Variants in CSNK1E observed in about 807,000 individuals in gnomAD.
CSNK1E encodes casein kinase 1 epsilon.
In CSNK1E, 17 loss-of-function variants were observed where a neutral mutation model predicts 46.1. The ratio of observed to expected loss-of-function variants is 0.37; its 90% confidence interval spans 0.25 to 0.55. The LOEUF is 0.55. Ranked by LOEUF, CSNK1E falls within the 20% of genes least tolerant of loss-of-function variation. The pLI, the probability that CSNK1E is intolerant of heterozygous loss-of-function variation, is 0.82. For synonymous variants in CSNK1E, 241 were observed against 242.6 expected (o/e 0.99, Z 0.06); for missense variants, 386 against 595.4 (o/e 0.65, Z 3.66).
chr22:38,310,664 C>T (rs2145849245), intron 2 of CSNK1E, among the ~76,000 whole-genome samples: 1 of 152,316 alleles, frequency 6.6e-6, no homozygotes, highest in East Asian at 1.9e-4. Context: ...CAGATTTGGC[C>T]ACCTCTGGAC....
chr22:38,298,200 C>A lies in CSNK1E; in HGVS notation c.885+586G>T. On this transcript the variant is annotated intron_variant, in intron 7 of 10. Transcript: ENST00000396832. The surrounding 1 kb of genome is among the most constrained non-coding windows in gnomAD (Gnocchi z 4.2). Reference sequence around the variant, plus strand: ...CGGGGCTGAGCCTGGCTCGAGGAAGCCCCCTTTTCCAGAAGAGATGTGAAA... The same window carrying A: ...CGGGGCTGAGCCTGGCTCGAGGAAGACCCCTTTTCCAGAAGAGATGTGAAA... The A allele has an allele frequency of 7.7e-7, 1 of 1,303,726 alleles. No individual in the cohort carries two copies. Among genetic ancestry groups the A allele is most frequent in the South Asian group, 1.2e-5 (1 of 80,994 alleles). The allele number at this position is 1,303,726 out of a possible 1,614,324, so 80.8% of individuals were successfully genotyped here. A position where few individuals can be genotyped will look rare whatever the true frequency, so the allele number is the denominator to read the frequency against.
Position 38,298,663 on chromosome 22 carries a change from A to G in CSNK1E, c.885+123T>C. 2 of 1,153,076 alleles carry G rather than the reference A, an allele frequency of 1.7e-6. No homozygotes were observed. Among genetic ancestry groups the G allele is most frequent in the South Asian group, 1.4e-5 (1 of 73,510 alleles). The allele number at this position is 1,153,076 out of a possible 1,614,324, so 71.4% of individuals were successfully genotyped here. ...CTGGGACCCCAGTGAGGTCAACCAC[A>G]CTGTCCAGCTCGTACCTCCCGTCTG... On this transcript the variant is annotated intron_variant, in intron 7 of 10. Coordinates refer to ENST00000396832, the MANE Select transcript of CSNK1E (RefSeq NM_152221.3). The surrounding 1 kb of genome is among the most constrained non-coding windows in gnomAD (Gnocchi z 4.2).
At position 38,303,122 on chromosome 22, in the gene CSNK1E, C is replaced by CCCACCCTGCGCTCACCG. The variant is rs1194842965; in HGVS notation, c.186_187+15dup. 6.9e-6 allele frequency: 11 copies of CCCACCCTGCGCTCACCG among 1,602,392 alleles called. No individual in the cohort carries two copies. The highest frequency in any genetic ancestry group is 3.3e-5 in the South Asian group (3 of 90,542). ...GCCACCCACCCGGCGCCCGCCGCCG[C>CCCACCCTGCGCTCACCG]CCACCCTGCGCTCACCGCCACCCTG... On this transcript the variant is annotated intron_variant, in intron 3 of 10. Coordinates refer to ENST00000396832, the MANE Select transcript of CSNK1E (RefSeq NM_152221.3). The surrounding 1 kb of genome is among the most constrained non-coding windows in gnomAD (Gnocchi z 4.7).
chr22:38,298,980 G>A lies in CSNK1E; in HGVS notation c.737-46C>T, dbSNP rs369730868. The A allele has an allele frequency of 2.4e-5, 39 of 1,608,804 alleles. No homozygotes were observed. The highest frequency in any genetic ancestry group is 1.2e-4 in the South Asian group (11 of 90,894). On this transcript the variant is annotated intron_variant, in intron 6 of 10. Transcript: ENST00000396832. The surrounding 1 kb of genome is among the most constrained non-coding windows in gnomAD (Gnocchi z 4.2). The stretch of plus-strand genomic sequence containing the variant: ...TAGAGAAGGCCACTGTGAGGCCCAC[G>A]CTCCCAGACCCCCTGCAGCCAGCAC...
At chr22:38,305,938 G>C (rs564990012) in intron 2 of CSNK1E, among the ~76,000 whole-genome samples, 1 of 152,196 alleles carries the variant, frequency 6.6e-6, no homozygotes, top group Admixed American at 6.5e-5. Flanking sequence ...TGCAAAACAA[G>C]GCGGGGACAA....
chr22:38,316,752 G>A (rs766565199), intron 1 of CSNK1E: 1 of 152,228 alleles, frequency 6.6e-6, no homozygotes, highest in Non-Finnish European at 1.5e-5. Flanking sequence ...GAGAGCAGGG[G>A]GCGCCGGTGA....
At chr22:38,302,639 A>G (rs541425491) in intron 4 of CSNK1E, among the ~76,000 whole-genome samples, 11 of 152,310 alleles carry the variant, frequency 7.2e-5, no homozygotes, top group African/African-American at 2.6e-4. Flanking sequence ...TGAACCTGGG[A>G]GGCGGATGTT....
intron 2 of CSNK1E, among the ~76,000 whole-genome samples, chr22:38,305,737 G>GGA (rs1318052872): frequency 3.3e-5 from 5 of 151,570 alleles, no homozygotes; most frequent in African/African-American, 1.2e-4. Flanking sequence ...GAAAGACCAT[G>GGA]TTTCACCTAG....
chr22:38,311,347 A>C (rs2145850137), intron 2 of CSNK1E, among the ~76,000 whole-genome samples: 1 of 152,314 alleles, frequency 6.6e-6, no homozygotes, highest in South Asian at 2.1e-4. Flanking sequence ...AAGAGGAGTA[A>C]ATCTGTACTT....
rs1472761503 is a variant in CSNK1E, at chr22:38,303,942, T to C, written c.77-694A>G. 6.6e-6 allele frequency among the ~76,000 whole-genome samples: 1 copy of C among 152,080 alleles called. No individual in the cohort carries two copies. Among genetic ancestry groups the C allele is most frequent in the African/African-American group, 2.4e-5 (1 of 41,400 alleles). On this transcript the variant is annotated intron_variant, in intron 2 of 10. Transcript: ENST00000396832. This position sits in a 1 kb window ranked among gnomAD's most constrained non-coding sequence, Gnocchi z 4.7. ...GCCTGCACCTCCCCGTCTCCCCCAG[T>C]CCACTCCTGGCTTCTCAAGGGGCTC...
chr22:38,300,640 A>C lies in CSNK1E; in HGVS notation c.565+84T>G, dbSNP rs764754727. Reference sequence around the variant, plus strand: ...AGAAAAGAGCCTGGGGGCCTCCATCAGGGTAGGGGGTGAGAGGGCTCCAGA... The same window carrying C: ...AGAAAAGAGCCTGGGGGCCTCCATCCGGGTAGGGGGTGAGAGGGCTCCAGA... On this transcript the variant is annotated intron_variant, in intron 5 of 10. Coordinates refer to ENST00000396832, the MANE Select transcript of CSNK1E (RefSeq NM_152221.3). The surrounding 1 kb of genome is among the most constrained non-coding windows in gnomAD (Gnocchi z 4.4). 1.5e-6 allele frequency: 2 copies of C among 1,321,476 alleles called. No individual in the cohort carries two copies. The highest frequency in any genetic ancestry group is 2.1e-6 in the Non-Finnish European group (2 of 945,022). The allele number at this position is 1,321,476 out of a possible 1,614,324, so 81.9% of individuals were successfully genotyped here. A position where few individuals can be genotyped will look rare whatever the true frequency, so the allele number is the denominator to read the frequency against.
upstream of CSNK1E, among the ~76,000 whole-genome samples, chr22:38,317,776 C>G (rs1266986287): frequency 1.3e-5 from 2 of 152,158 alleles, no homozygotes; most frequent in Non-Finnish European, 2.9e-5. Context: ...CTGCCAGGAT[C>G]TCTCTCCTCT....
chr22:38,311,209 G>C (rs571953086), intron 2 of CSNK1E, among the ~76,000 whole-genome samples: 2 of 152,138 alleles, frequency 1.3e-5, no homozygotes, highest in Non-Finnish European at 2.9e-5. Flanking sequence ...TCATTACTTT[G>C]CACGACCCCA....
chr22:38,299,288 C>A (rs1037293415), intron 6 of CSNK1E, among the ~76,000 whole-genome samples: 1 of 152,202 alleles, frequency 6.6e-6, no homozygotes, highest in African/African-American at 2.4e-5. Context: ...CAAAGGACTG[C>A]AAGAGCCTGA....
At chr22:38,305,432 TAAAA>T (rs10618230) in intron 2 of CSNK1E, among the ~76,000 whole-genome samples, 1 of 113,954 alleles carries the variant, frequency 8.8e-6, no homozygotes, top group South Asian at 2.8e-4. Context: ...TAAAGCCATT[TAAAA>T]AAAAAAAAAA....
In CSNK1E at chr22:38,298,113, TG is replaced by T; in HGVS notation, c.885+672del. ...CCTTACCAGTACGTGGGTGAGTACG[TG>T]GGCCCAGCACAGGGACAGGGGCGGG... On this transcript the variant is annotated intron_variant, in intron 7 of 10. Transcript: ENST00000396832. This position sits in a 1 kb window ranked among gnomAD's most constrained non-coding sequence, Gnocchi z 4.2. 1 of 1,274,814 alleles carries T rather than the reference TG, an allele frequency of 7.8e-7. No homozygotes were observed. Among genetic ancestry groups the T allele is most frequent in the Non-Finnish European group, 1.0e-6 (1 of 974,388 alleles). 79.0% of individuals were successfully genotyped at this position (1,274,814 alleles called of 1,614,324 possible). A position where few individuals can be genotyped will look rare whatever the true frequency, so the allele number is the denominator to read the frequency against.
rs2092612879 is a variant in CSNK1E, at chr22:38,291,905, T to C, written c.*66A>G. On this transcript the variant is annotated 3_prime_UTR_variant, in exon 11 of 11. Transcript: ENST00000396832. Reference sequence around the variant, plus strand: ...TGGTTTATTTTTGCCTTTTTTTTTTTTTTTTTTTTTTTAAAGAAAATACAG... The same window carrying C: ...TGGTTTATTTTTGCCTTTTTTTTTTCTTTTTTTTTTTTAAAGAAAATACAG... 6.6e-6 allele frequency: 1 copy of C among 150,382 alleles called. No individual in the cohort carries two copies. The highest frequency in any genetic ancestry group is 2.1e-4 in the South Asian group (1 of 4,774). 9.3% of individuals were successfully genotyped at this position (150,382 alleles called of 1,614,324 possible). A position where few individuals can be genotyped will look rare whatever the true frequency, so the allele number is the denominator to read the frequency against.
rs1265878813 is a variant in CSNK1E at position 38,298,192 on chromosome 22, C to T, written c.885+594G>A. 6.1e-6 allele frequency: 8 copies of T among 1,303,760 alleles called. No individual in the cohort carries two copies. The African/African-American group carries it at 7.6e-5, about 12-fold the overall frequency. The allele number at this position is 1,303,760 out of a possible 1,614,324, so 80.8% of individuals were successfully genotyped here. A position where few individuals can be genotyped will look rare whatever the true frequency, so the allele number is the denominator to read the frequency against. ...GGCTGTCACGGGGCTGAGCCTGGCT[C>T]GAGGAAGCCCCCTTTTCCAGAAGAG... On this transcript the variant is annotated intron_variant, in intron 7 of 10. Coordinates refer to ENST00000396832, the MANE Select transcript of CSNK1E (RefSeq NM_152221.3). The surrounding 1 kb of genome is among the most constrained non-coding windows in gnomAD (Gnocchi z 4.2).
chr22:38,314,221 G>A, intron 1 of CSNK1E, 52 bp from the exon 2 acceptor site: 1 of 1,471,364 alleles, frequency 6.8e-7, no homozygotes, highest in Non-Finnish European at 9.5e-7. Context: ...GCCGGGAAAG[G>A]GGTCCAGTCC....
Sources: allele counts gnomAD v4.1 joint callset (sites outside exome capture counted in the v4.1 genomes callset), GRCh38; gene constraint gnomAD v4.1.1; non-coding constraint Gnocchi (gnomAD v3.1); transcripts MANE v1.5; gene names NCBI Gene and HGNC (gene_info 2026-07-23, HGNC 2026-07-21).